GALNT1: variants seen among roughly 807,000 people sequenced by gnomAD.
GALNT1 encodes GalNAc transferase 1.
GALNT1 carries 17 observed loss-of-function variants against 65.7 expected under a neutral mutation model. The ratio of observed to expected loss-of-function variants is 0.26; its 90% CI spans 0.18 to 0.39. GALNT1 has a LOEUF of 0.39. GALNT1 is among the 10% of genes least tolerant of loss of function. GALNT1 has a pLI of 1.00. For synonymous variants in GALNT1, 210 were observed against 219.7 expected (o/e 0.96, Z 0.39); for missense variants, 460 against 672.8 (o/e 0.68, Z 3.50).
chr18:35,647,032 A>G (rs1250825370), intron 1 of GALNT1, among the ~76,000 whole-genome samples: 2 of 152,158 alleles, frequency 1.3e-5, no homozygotes, highest in Non-Finnish European at 2.9e-5. Context: ...GTCCCATCGT[A>G]TCTCTTGTAT....
At chr18:35,701,872 A>G (rs3786389) in intron 9 of GALNT1, among the ~76,000 whole-genome samples, 34,530 of 152,082 alleles carry the variant, frequency 0.23, 4,460 homozygotes, top group African/African-American at 0.34. Context: ...GTGACTAGTG[A>G]TAAAGTGACA....
intron 1 of GALNT1, among the ~76,000 whole-genome samples, chr18:35,583,750 G>A (rs1474077958): frequency 6.6e-6 from 1 of 152,122 alleles, no homozygotes; most frequent in Non-Finnish European, 1.5e-5. Context: ...AGCAGTTACA[G>A]GCAAGGTAAT....
At chr18:35,600,843 A>G (rs539558759) in intron 1 of GALNT1, among the ~76,000 whole-genome samples, 1 of 151,662 alleles carries the variant, frequency 6.6e-6, no homozygotes, top group South Asian at 2.1e-4. Context: ...GTTTGCTAGC[A>G]TTTTCTTGAG....
chr18:35,585,480 T>G (rs1004089763), intron 1 of GALNT1, among the ~76,000 whole-genome samples: 16 of 152,224 alleles, frequency 1.1e-4, no homozygotes, highest in African/African-American at 3.9e-4. Context: ...CATTTAGTCC[T>G]CAGTTACCTG....
At chr18:35,664,030 G>T (rs1288537800) in intron 3 of GALNT1, 3 of 457,274 alleles carry the variant, frequency 6.6e-6, no homozygotes, top group Non-Finnish European at 7.7e-6. Flanking sequence ...TTATCTTAAT[G>T]GATTAGAAGG....
chr18:35,590,623 G>A (rs1362847723), intron 1 of GALNT1, among the ~76,000 whole-genome samples: 1 of 152,120 alleles, frequency 6.6e-6, no homozygotes, highest in East Asian at 1.9e-4. Flanking sequence ...ATTGTCCTTT[G>A]GAATCTACAC....
chr18:35,636,036 G>A (rs1409628321), intron 1 of GALNT1, among the ~76,000 whole-genome samples: 1 of 152,070 alleles, frequency 6.6e-6, no homozygotes. Flanking sequence ...TCTGATTCCA[G>A]GATATGGAAT....
chr18:35,645,611 C>A (rs2047221367), intron 1 of GALNT1, among the ~76,000 whole-genome samples: 1 of 152,094 alleles, frequency 6.6e-6, no homozygotes, highest in South Asian at 2.1e-4. Flanking sequence ...TAGTCATCTG[C>A]CTTATGAAAT....
chr18:35,591,480 C>T (rs758034213), intron 1 of GALNT1, among the ~76,000 whole-genome samples: 13 of 152,180 alleles, frequency 8.5e-5, no homozygotes, highest in Admixed American at 2.6e-4. Flanking sequence ...AATTAAATGG[C>T]ACTGAGAAGA....
chr18:35,635,768 T>C (rs2047080690), intron 1 of GALNT1, among the ~76,000 whole-genome samples: 1 of 152,186 alleles, frequency 6.6e-6, no homozygotes, highest in South Asian at 2.1e-4. Context: ...TAGATTCTTT[T>C]CTTTTAGGGT....
intron 3 of GALNT1, among the ~76,000 whole-genome samples, chr18:35,668,167 A>G (rs8099538): frequency 0.014 from 2,082 of 152,338 alleles, 43 homozygotes; most frequent in African/African-American, 0.046. Flanking sequence ...ATTAAAGAGA[A>G]TAAGTAGAAG....
intron 1 of GALNT1, among the ~76,000 whole-genome samples, chr18:35,602,521 A>G (rs1225211817): frequency 1.3e-5 from 2 of 151,878 alleles, no homozygotes; most frequent in African/African-American, 4.8e-5. Flanking sequence ...GTTATTCTGT[A>G]TATCTTGTAG....
intron 1 of GALNT1, among the ~76,000 whole-genome samples, chr18:35,643,037 G>T (rs775211006): frequency 3.3e-5 from 5 of 152,086 alleles, no homozygotes; most frequent in Non-Finnish European, 7.4e-5. Context: ...AGGTCCTGTG[G>T]TCAGCCTGGC....
intron 1 of GALNT1, among the ~76,000 whole-genome samples, chr18:35,644,838 A>C (rs2047209124): frequency 6.6e-6 from 1 of 152,064 alleles, no homozygotes; most frequent in Non-Finnish European, 1.5e-5. Flanking sequence ...TAAAAATACA[A>C]AAATTAGCTA....
intron 1 of GALNT1, among the ~76,000 whole-genome samples, chr18:35,625,655 A>T (rs1354860930): frequency 6.6e-6 from 1 of 152,132 alleles, no homozygotes; most frequent in Non-Finnish European, 1.5e-5. Flanking sequence ...AGAAAATCTT[A>T]GAGATTTGGG....
chr18:35,698,495 G>GA (rs2144712897), intron 9 of GALNT1, among the ~76,000 whole-genome samples: 1 of 151,994 alleles, frequency 6.6e-6, no homozygotes, highest in Non-Finnish European at 1.5e-5. Flanking sequence ...TAAAATAAAT[G>GA]AAAATAAATG....
At chr18:35,607,086 T>C (rs2046659563) in intron 1 of GALNT1, among the ~76,000 whole-genome samples, 2 of 152,020 alleles carry the variant, frequency 1.3e-5, no homozygotes, top group African/African-American at 4.8e-5. Flanking sequence ...TGACCTGGCT[T>C]GAAAAGATAA....
At chr18:35,691,388 C>T (rs1411890384) in intron 8 of GALNT1, among the ~76,000 whole-genome samples, 196 bp downstream of exon 8, 2 of 151,862 alleles carry the variant, frequency 1.3e-5, no homozygotes, top group Admixed American at 6.6e-5. Context: ...ATATAATTAA[C>T]AGTAATAAAT....
At chr18:35,613,646 C>A (rs2046746794) in intron 1 of GALNT1, among the ~76,000 whole-genome samples, 1 of 152,078 alleles carries the variant, frequency 6.6e-6, no homozygotes, top group Admixed American at 6.6e-5. Flanking sequence ...GATCCAGAGA[C>A]CTTTGTGTAA....
Sources: gnomAD v4.1 joint callset for allele counts (sites outside exome capture counted in the v4.1 genomes callset) on GRCh38, gnomAD v4.1.1 for gene constraint, MANE v1.5 for transcripts, NCBI Gene and HGNC (gene_info 2026-07-23, HGNC 2026-07-21) for gene names.